Variants in PACS1 observed in about 807,000 individuals in gnomAD.
PACS1 encodes phosphofurin acidic cluster sorting protein 1.
PACS1 carries 24 observed loss-of-function variants against 115.0 expected under a neutral mutation model. That is an observed-to-expected ratio of 0.21 (90% CI 0.15 to 0.29). PACS1 has a LOEUF of 0.29. Ranked by LOEUF, PACS1 falls within the 10% of genes least tolerant of loss-of-function variation. PACS1 has a pLI of 1.00. For synonymous variants in PACS1, 453 were observed against 504.5 expected (o/e 0.90, Z 1.37); for missense variants, 838 against 1,251.2 (o/e 0.67, Z 4.98).
At chr11:66,145,706 T>C (rs1221573783) in intron 1 of PACS1, among the ~76,000 whole-genome samples, 14 of 152,084 alleles carry the variant, frequency 9.2e-5, no homozygotes, top group Admixed American at 9.2e-4. Flanking sequence ...AAAGGAAAAG[T>C]GGGATAGACC....
chr11:66,084,531 G>T (rs1042357178), intron 1 of PACS1, among the ~76,000 whole-genome samples: 2 of 152,040 alleles, frequency 1.3e-5, no homozygotes, highest in African/African-American at 4.8e-5. Flanking sequence ...CCGGTCAGGG[G>T]GCTGCTGTGA....
intron 1 of PACS1, among the ~76,000 whole-genome samples, chr11:66,074,766 A>ACTC: frequency 6.6e-6 from 1 of 152,250 alleles, no homozygotes; most frequent in Admixed American, 6.5e-5. Context: ...GCCATAGCTG[A>ACTC]GTTGGCATGA....
At chr11:66,088,678 G>A (rs753312544) in intron 1 of PACS1, among the ~76,000 whole-genome samples, 3 of 152,144 alleles carry the variant, frequency 2.0e-5, no homozygotes, top group South Asian at 2.1e-4. Context: ...GTTACGTAGT[G>A]TGTCTTCCCG....
At chr11:66,144,228 A>G (rs982482146) in intron 1 of PACS1, among the ~76,000 whole-genome samples, 3 of 152,238 alleles carry the variant, frequency 2.0e-5, no homozygotes, top group African/African-American at 7.2e-5. Context: ...AACTAATAGT[A>G]ACAATAATAT....
In PACS1 at chr11:66,202,741, AAATATATATATATATAT is replaced by A. The variant is rs1463786747; in HGVS notation, c.445-7619_445-7603del. Reference sequence around the variant, plus strand: ...TCATCTCTAGGAAAAAAAAAAAAAAAAATATATATATATATATATATATATATATATATATATATATT... The same window carrying A: ...TCATCTCTAGGAAAAAAAAAAAAAAAATATATATATATATATATATATATT... On this transcript the variant is annotated intron_variant, in intron 2 of 23. Transcript: ENST00000320580. Among the ~76,000 whole-genome samples the A allele has an allele frequency of 8.5e-5, 8 of 93,882 alleles. 2 individuals are homozygous for A. In the South Asian group the frequency reaches 3.2e-3, roughly 38 times the overall value. 61.6% of individuals were successfully genotyped at this position (93,882 alleles called of 152,430 possible). A position where few individuals can be genotyped will look rare whatever the true frequency, so the allele number is the denominator to read the frequency against.
At chr11:66,072,949 G>A (rs1857336275) in intron 1 of PACS1, among the ~76,000 whole-genome samples, 1 of 152,240 alleles carries the variant, frequency 6.6e-6, no homozygotes, top group Admixed American at 6.5e-5. Context: ...CAAAGTCCAC[G>A]TAATAAATTA....
chr11:66,100,667 C>T, intron 1 of PACS1: 1 of 382,358 alleles, frequency 2.6e-6, no homozygotes, highest in South Asian at 1.9e-5. Context: ...CAGAGTTCAG[C>T]AATAATACTC....
At chr11:66,146,613 A>G (rs1859129639) in intron 1 of PACS1, among the ~76,000 whole-genome samples, 1 of 152,232 alleles carries the variant, frequency 6.6e-6, no homozygotes, top group South Asian at 2.1e-4. Flanking sequence ...AGGAGAAGAA[A>G]GGGCAGAAAA....
At chr11:66,197,280 G>T (rs1273502471) in intron 2 of PACS1, among the ~76,000 whole-genome samples, 2 of 152,020 alleles carry the variant, frequency 1.3e-5, no homozygotes, top group African/African-American at 4.8e-5. Flanking sequence ...TCAAAACTAA[G>T]AAATTATCAT....
At chr11:66,156,143 A>ATGTAAATTTTGTTTATTGTC (rs1859347993) in intron 1 of PACS1, among the ~76,000 whole-genome samples, 1 of 145,232 alleles carries the variant, frequency 6.9e-6, no homozygotes, top group Non-Finnish European at 1.5e-5. Context: ...GGTATATTGT[A>ATGTAAATTTTGTTTATTGTC]TGTAAATTTT....
intron 2 of PACS1, among the ~76,000 whole-genome samples, chr11:66,195,218 C>T (rs1854622810): frequency 6.6e-6 from 1 of 152,088 alleles, no homozygotes. Flanking sequence ...CATCTCAAAA[C>T]AACAACAACA....
At chr11:66,117,921 A>G (rs1449646703) in intron 1 of PACS1, among the ~76,000 whole-genome samples, 2 of 152,212 alleles carry the variant, frequency 1.3e-5, no homozygotes, top group East Asian at 3.8e-4. Flanking sequence ...GACTTTCCAC[A>G]TATCTCCCTA....
At chr11:66,207,968 A>C (rs1032567582) in intron 2 of PACS1, among the ~76,000 whole-genome samples, 6 of 151,976 alleles carry the variant, frequency 3.9e-5, no homozygotes, top group Admixed American at 2.6e-4. Context: ...GAGGTTTCCC[A>C]GTGTTGCCCA....
chr11:66,242,810 C>A, intron 22 of PACS1, 102 bp from the exon 23 acceptor site: 1 of 1,508,766 alleles, frequency 6.6e-7, no homozygotes, highest in Non-Finnish European at 9.1e-7. Flanking sequence ...GTTTGCAGAT[C>A]ACCTCCCCTC....
intron 20 of PACS1, 133 bp downstream of exon 20, chr11:66,238,979 G>A (rs1232124278): frequency 3.2e-5 from 43 of 1,345,724 alleles, no homozygotes; most frequent in East Asian, 1.2e-4. Context: ...GCCTATGGGC[G>A]CCCTCACTCC....
chr11:66,169,637 G>A lies in PACS1; in HGVS notation c.357-23849G>A, dbSNP rs1003508335. Among the ~76,000 whole-genome samples, 8 of 140,896 alleles carry A rather than the reference G, an allele frequency of 5.7e-5. No individual in the cohort carries two copies. The South Asian group carries it at 6.5e-4, about 11-fold the overall frequency. 92.4% of individuals were successfully genotyped at this position (140,896 alleles called of 152,430 possible). On this transcript the variant is annotated intron_variant, in intron 1 of 23. Coordinates refer to ENST00000320580, the MANE Select transcript of PACS1 (RefSeq NM_018026.4). ...TCACCATGTTGGCCAGGCTGGTCTC[G>A]AACTCCTGACCTTGTGATCCACCTG...
intron 4 of PACS1, among the ~76,000 whole-genome samples, chr11:66,212,375 G>A (rs1203615): frequency 6.7e-5 from 10 of 149,956 alleles, no homozygotes; most frequent in South Asian, 6.3e-4. Flanking sequence ...CTTGTGATCC[G>A]CCCGCCTTGG....
chr11:66,180,501 C>T (rs7935315), intron 1 of PACS1, among the ~76,000 whole-genome samples: 4,013 of 151,800 alleles, frequency 0.026, 165 homozygotes, highest in African/African-American at 0.091. Context: ...ATTACAGGCA[C>T]GCACCACCAC....
Position 66,189,020 on chromosome 11 carries a change from T to G in PACS1, c.357-4466T>G, listed in dbSNP as rs967953891. 7.9e-5 allele frequency among the ~76,000 whole-genome samples: 12 copies of G among 152,204 alleles called. No individual in the cohort carries two copies. The East Asian group carries it at 2.1e-3, about 27-fold the overall frequency. ...TCCTATGTGACCTGGGGACATTTTC[T>G]TAACTTCCAGCATCCGTATCTGTAA... On this transcript the variant is annotated intron_variant, in intron 1 of 23. Transcript: ENST00000320580.
Sources: allele counts gnomAD v4.1 joint callset (sites outside exome capture counted in the v4.1 genomes callset), GRCh38; gene constraint gnomAD v4.1.1; transcripts MANE v1.5; gene names NCBI Gene and HGNC (gene_info 2026-07-23, HGNC 2026-07-21).